MDGA1: variants seen among roughly 807,000 people sequenced by gnomAD.
MDGA1 encodes the protein MAM domain containing glycosylphosphatidylinositol anchor 1.
In MDGA1, 54 loss-of-function variants were observed where a neutral mutation model predicts 101.5. That is an observed-to-expected ratio of 0.53 (90% CI 0.43 to 0.67). The LOEUF (loss-of-function observed/expected upper bound fraction) is 0.67, where lower values mean the gene tolerates loss of function less well. Ranked by LOEUF, MDGA1 falls within the 30% of genes least tolerant of loss-of-function variation. MDGA1 has a pLI of 0.00. For synonymous variants in MDGA1, 533 were observed against 558.3 expected (o/e 0.95, Z 0.64); for missense variants, 1,083 against 1,323.8 (o/e 0.82, Z 2.82).
chr6:37,639,932 T>G (rs1764023379), intron 14 of MDGA1: 1 of 152,030 alleles, frequency 6.6e-6, no homozygotes, highest in Non-Finnish European at 1.5e-5. Flanking sequence ...TTGATAAGAG[T>G]TACGGAAAAT....
At chr6:37,656,821 T>C (rs1205425994) in intron 3 of MDGA1, among the ~76,000 whole-genome samples, 5 of 152,202 alleles carry the variant, frequency 3.3e-5, no homozygotes, top group Non-Finnish European at 7.3e-5. Context: ...TAATTTGTAG[T>C]GTGACCCACC....
Position 37,638,062 on chromosome 6 carries a change from CA to C in MDGA1, c.2776+142del, listed in dbSNP as rs774344396. 166 of 707,116 alleles carry C rather than the reference CA, an allele frequency of 2.3e-4. No homozygotes were observed. In the African/African-American group the frequency reaches 2.6e-3, roughly 11 times the overall value. The allele number at this position is 707,116 out of a possible 1,614,324, so 43.8% of individuals were successfully genotyped here. ...TGAGTGAGTGTGGGGCACACCTTCA[CA>C]CAGTCAGAGCCACATGATTCCCATC... On this transcript the variant is annotated intron_variant, in intron 16 of 16. Coordinates refer to ENST00000434837, the MANE Select transcript of MDGA1 (RefSeq NM_153487.4). This position sits in a 1 kb window ranked among gnomAD's most constrained non-coding sequence, Gnocchi z 4.8.
chr6:37,658,459 A>G (rs1761545901), intron 2 of MDGA1, 40 bp from the exon 3 acceptor site: 3 of 1,567,388 alleles, frequency 1.9e-6, no homozygotes, highest in African/African-American at 2.7e-5. Flanking sequence ...TGTCAGACTC[A>G]CACGGGGTGG....
chr6:37,645,971 G>T lies in MDGA1; in HGVS notation c.2225-15C>A. Reference sequence around the variant, plus strand: ...AGAGTTGATGGCTGAGAAAGCAAGCGGGGAAACCAAGTCAGAACTGAGGTG... The same window carrying T: ...AGAGTTGATGGCTGAGAAAGCAAGCTGGGAAACCAAGTCAGAACTGAGGTG... On this transcript the variant is annotated splice_polypyrimidine_tract_variant and intron_variant, in intron 11 of 16. Transcript: ENST00000434837. The T allele has an allele frequency of 6.2e-7, 1 of 1,613,968 alleles. No homozygotes were observed. The highest frequency in any genetic ancestry group is 8.5e-7 in the Non-Finnish European group (1 of 1,179,874).
intron 1 of MDGA1, among the ~76,000 whole-genome samples, chr6:37,695,155 G>A (rs938661373): frequency 2.6e-5 from 4 of 152,126 alleles, no homozygotes; most frequent in Non-Finnish European, 5.9e-5. Flanking sequence ...GGGTAGAGTG[G>A]AGGACAGCAG....
At chr6:37,646,585 A>C (rs766943800) in intron 10 of MDGA1, among the ~76,000 whole-genome samples, 7 of 152,228 alleles carry the variant, frequency 4.6e-5, no homozygotes, top group Non-Finnish European at 1.0e-4. Context: ...TCAAAATTAC[A>C]ATCCTATGAG....
intron 1 of MDGA1, among the ~76,000 whole-genome samples, chr6:37,681,004 C>CA (rs1554136950): frequency 2.0e-5 from 3 of 152,222 alleles, no homozygotes; most frequent in East Asian, 3.9e-4. Flanking sequence ...CAGCCCCCCC[C>CA]CCCCAGGAAA....
intron 14 of MDGA1, among the ~76,000 whole-genome samples, chr6:37,640,844 C>T (rs1473680212): frequency 6.6e-6 from 1 of 152,006 alleles, no homozygotes; most frequent in African/African-American, 2.4e-5. Flanking sequence ...GGCATATCTC[C>T]AGGAGGGAGA....
At chr6:37,672,286 A>T (rs1357306433) in intron 1 of MDGA1, among the ~76,000 whole-genome samples, 1 of 131,846 alleles carries the variant, frequency 7.6e-6, no homozygotes, top group Non-Finnish European at 1.5e-5. Flanking sequence ...CCCCATCTCT[A>T]AAAAAAAAAA....
At position 37,658,505 on chromosome 6, in the gene MDGA1, C is replaced by G. The variant is rs1315686192; in HGVS notation, c.208-86G>C. On this transcript the variant is annotated intron_variant, in intron 2 of 16. Transcript: ENST00000434837. ...GCTGAGTGCCCTGCAACGGCACCCC[C>G]TTTCTCCCATACTTTTTCACAAGCG... 6.6e-6 allele frequency: 9 copies of G among 1,360,298 alleles called. No homozygotes were observed. In the East Asian group the frequency reaches 1.2e-4, roughly 18 times the overall value. 84.3% of individuals were successfully genotyped at this position (1,360,298 alleles called of 1,614,324 possible).
chr6:37,643,996 C>A (rs1290387055), intron 13 of MDGA1, 53 bp from the exon 14 acceptor site: 1 of 1,601,722 alleles, frequency 6.2e-7, no homozygotes, highest in Admixed American at 1.7e-5. Flanking sequence ...CAGGCCTCTT[C>A]CTACCTGATT....
intron 3 of MDGA1, 44 bp downstream of exon 3, chr6:37,658,201 G>C: frequency 6.6e-7 from 1 of 1,511,964 alleles, no homozygotes; most frequent in Non-Finnish European, 8.9e-7. Context: ...CTCTGGCCCG[G>C]GCTGGGCTGT....
intron 1 of MDGA1, among the ~76,000 whole-genome samples, chr6:37,683,776 T>G (rs1762143114): frequency 6.6e-6 from 1 of 152,250 alleles, no homozygotes; most frequent in Admixed American, 6.5e-5. Flanking sequence ...CTTCCTTTGC[T>G]TCCCTGTCTC....
chr6:37,675,082 A>T (rs1761949845), intron 1 of MDGA1, among the ~76,000 whole-genome samples: 1 of 152,138 alleles, frequency 6.6e-6, no homozygotes, highest in South Asian at 2.1e-4. Flanking sequence ...GCAACAACAA[A>T]AAACTGTTAA....
chr6:37,648,964 G>T lies in MDGA1; in HGVS notation c.1894+18C>A. Reference sequence around the variant, plus strand: ...CTGGTGGGCGTGGTAGGTGGGGCGGGACCCACTGGACGCTCACCGGAGACC... The same window carrying T: ...CTGGTGGGCGTGGTAGGTGGGGCGGTACCCACTGGACGCTCACCGGAGACC... On this transcript the variant is annotated intron_variant, in intron 9 of 16. Transcript: ENST00000434837. 2 of 1,548,340 alleles carry T rather than the reference G, an allele frequency of 1.3e-6. No homozygotes were observed. Among genetic ancestry groups the T allele is most frequent in the Non-Finnish European group, 1.7e-6 (2 of 1,147,372 alleles).
At position 37,683,591 on chromosome 6, in the gene MDGA1, G is replaced by A. The variant is rs147053849; in HGVS notation, c.67+13154C>T. Among the ~76,000 whole-genome samples the A allele has an allele frequency of 5.3e-5, 8 of 152,326 alleles. No homozygotes were observed. The East Asian group carries it at 1.4e-3, about 26-fold the overall frequency. On this transcript the variant is annotated intron_variant, in intron 1 of 16. Transcript: ENST00000434837. ...GTGTGTGCAGTGGTTTAGGAGTACC[G>A]GGAATTAACACCCCCAGGAGCAACC...
intron 1 of MDGA1, among the ~76,000 whole-genome samples, chr6:37,684,165 C>G (rs1056687241): frequency 1.6e-4 from 25 of 152,216 alleles, no homozygotes; most frequent in African/African-American, 5.5e-4. Flanking sequence ...GAAACAGTGG[C>G]AGTGCTTCTG....
At chr6:37,645,912 T>G in intron 12 of MDGA1, 21 bp downstream of exon 12, 1 of 1,613,878 alleles carries the variant, frequency 6.2e-7, no homozygotes, top group Non-Finnish European at 8.5e-7. Context: ...GGGGAAGTCA[T>G]GGGTGACTGG....
Position 37,696,070 on chromosome 6 carries a change from G to C in MDGA1, c.67+675C>G, listed in dbSNP as rs114354715. Among the ~76,000 whole-genome samples the C allele has an allele frequency of 6.6e-6, 1 of 152,164 alleles. No homozygotes were observed. Among genetic ancestry groups the C allele is most frequent in the Admixed American group, 6.5e-5 (1 of 15,282 alleles). ...CCCGGTGGGTGCGTGCCGTGTTTGC[G>C]TTTTCTGGGGATGGTGGCTGAATGT... On this transcript the variant is annotated intron_variant, in intron 1 of 16. Transcript: ENST00000434837. The surrounding 1 kb of genome is among the most constrained non-coding windows in gnomAD (Gnocchi z 5.6).
Sources: gnomAD v4.1 joint callset for allele counts (sites outside exome capture counted in the v4.1 genomes callset) on GRCh38, gnomAD v4.1.1 for gene constraint, Gnocchi (gnomAD v3.1) non-coding constraint, MANE v1.5 for transcripts, NCBI Gene and HGNC (gene_info 2026-07-23, HGNC 2026-07-21) for gene names.